ARHGEF10: variants seen among roughly 807,000 people sequenced by gnomAD.
The protein encoded by ARHGEF10 is Rho guanine nucleotide exchange factor 10, also known as Rho guanine nucleotide exchange factor (GEF) 10.
Under a neutral mutation model 147.4 loss-of-function variants are expected in ARHGEF10, and 140 were observed. The observed-to-expected ratio is 0.95, with a 90% CI of 0.83 to 1.09. The LOEUF (loss-of-function observed/expected upper bound fraction) is 1.09, where lower values mean the gene tolerates loss of function less well. Ranked by LOEUF, ARHGEF10 falls within the 50% of genes least tolerant of loss-of-function variation. The pLI is 0.00. For missense variants in ARHGEF10, 2,222 were observed against 1,752.7 expected (o/e 1.27, Z -4.78); for synonymous variants, 902 against 695.8 (o/e 1.30, Z -4.67).
chr8:1,922,016 A>G (rs1234102390), intron 18 of ARHGEF10, among the ~76,000 whole-genome samples: 9 of 152,166 alleles, frequency 5.9e-5, no homozygotes, highest in Non-Finnish European at 1.3e-4. Context: ...CTTAAAGTAC[A>G]GACACTCAGG....
At chr8:1,915,710 C>T (rs970201874) in intron 18 of ARHGEF10, among the ~76,000 whole-genome samples, 13 of 152,238 alleles carry the variant, frequency 8.5e-5, no homozygotes, top group African/African-American at 3.1e-4. Flanking sequence ...TCTGGGTATT[C>T]AGTAACACAC....
chr8:1,892,608 T>A (rs1346680625), intron 11 of ARHGEF10, among the ~76,000 whole-genome samples: 1 of 151,854 alleles, frequency 6.6e-6, no homozygotes, highest in African/African-American at 2.4e-5. Flanking sequence ...GCAGGTAGCC[T>A]GATGCTACAC....
In ARHGEF10 at chr8:1,876,864, A is replaced by G. The variant is rs1337656122; in HGVS notation, c.843+130A>G. On this transcript the variant is annotated intron_variant, in intron 8 of 28. Transcript: ENST00000349830. The stretch of plus-strand genomic sequence containing the variant: ...AGATGCTGATAAGTAGTTTGGGGAA[A>G]GCATAAGATATTGGCAAAGGAGAAG... 6.8e-6 allele frequency: 7 copies of G among 1,036,386 alleles called. No homozygotes were observed. The East Asian group carries it at 1.5e-4, about 22-fold the overall frequency. 64.2% of individuals were successfully genotyped at this position (1,036,386 alleles called of 1,614,324 possible). A position where few individuals can be genotyped will look rare whatever the true frequency, so the allele number is the denominator to read the frequency against.
rs777279264 is a variant in ARHGEF10, at chr8:1,880,119, G to A, written c.915G>A (p.Val305=). The change falls in exon 9 of 29, where the codon GTG becomes GTA. Residue 305 remains valine (V), a synonymous_variant. Coordinates refer to ENST00000349830, the MANE Select transcript of ARHGEF10 (RefSeq NM_014629.4). The stretch of plus-strand genomic sequence containing the variant: ...TGAGAGATTTGATGGCAAGCACGGT[G>A]GGCGTGGTGGAGATTCAGCAGCTCA... ...KKMRDLMAST[V]GVVEIQQLRQ... 1.1e-5 allele frequency: 17 copies of A among 1,614,028 alleles called. No homozygotes were observed. Among genetic ancestry groups the A allele is most frequent in the Non-Finnish European group, 1.2e-5 (14 of 1,180,004 alleles).
intron 23 of ARHGEF10, 25 bp from the exon 24 acceptor site, chr8:1,928,402 C>T (rs1563298319): frequency 6.8e-7 from 1 of 1,477,072 alleles, no homozygotes; most frequent in East Asian, 2.5e-5. Context: ...TCGTTTTCTT[C>T]TTTCCTCCTA....
Position 1,858,103 on chromosome 8 carries a change from C to T in ARHGEF10, c.181C>T (p.Pro61Ser). 6.4e-7 allele frequency: 1 copy of T among 1,554,124 alleles called. No individual in the cohort carries two copies. Among genetic ancestry groups the T allele is most frequent in the Non-Finnish European group, 8.7e-7 (1 of 1,150,252 alleles). Reference protein sequence around the residue: ...ETGGAGASEAPAPTGGEDGAG... With the variant: ...ETGGAGASEASAPTGGEDGAG... ...AGGAGGTGCTGGAGCCAGTGAAGCC[C>T]CTGCACCCACAGGTGAGTTTCCAGG... Residue 61 changes from proline (P) to serine (S), a missense_variant, in exon 3 of 29, where the codon CCT becomes TCT. By Grantham distance (74) the Pro-to-Ser change is moderately conservative. Transcript: ENST00000349830.
intron 2 of ARHGEF10, among the ~76,000 whole-genome samples, chr8:1,850,749 G>C (rs1019153459): frequency 4.6e-5 from 7 of 152,220 alleles, no homozygotes; most frequent in African/African-American, 1.2e-4. Flanking sequence ...TGCCCATATA[G>C]GTGTTGATAG....
chr8:1,931,685 T>C (rs1338521544), intron 25 of ARHGEF10, among the ~76,000 whole-genome samples: 5 of 152,382 alleles, frequency 3.3e-5, no homozygotes, highest in African/African-American at 1.2e-4. Flanking sequence ...CCCCTCACTG[T>C]TGCCAGAGCT....
At chr8:1,945,718 G>T (rs1266758539) in intron 27 of ARHGEF10, 63 bp downstream of exon 27, 50 of 1,603,804 alleles carry the variant, frequency 3.1e-5, no homozygotes, top group Non-Finnish European at 3.0e-5. Flanking sequence ...GGGGGGTGCG[G>T]AGCGCTGTCA....
intron 1 of ARHGEF10, among the ~76,000 whole-genome samples, chr8:1,837,917 T>G (rs1179406437): frequency 1.3e-5 from 2 of 152,156 alleles, no homozygotes; most frequent in East Asian, 1.9e-4. Context: ...GTGGGGACAC[T>G]GCTCCTCACT....
At chr8:1,925,201 C>T (rs541939460) in intron 21 of ARHGEF10, 82 bp from the exon 22 acceptor site, 2 of 1,578,870 alleles carry the variant, frequency 1.3e-6, no homozygotes, top group Admixed American at 1.7e-5. Context: ...AGAAACTTCC[C>T]CTGCTATGAC....
chr8:1,831,022 A>G lies in ARHGEF10; in HGVS notation c.-48+6909A>G, dbSNP rs143650828. ...GGCCAGGGCTGGAGGGCCGAAGGCA[A>G]GAGGGGACTGGTGAATGCCAGGGCA... is the stretch of plus-strand genomic sequence containing the variant. On this transcript the variant is annotated intron_variant, in intron 1 of 28. Coordinates refer to ENST00000349830, the MANE Select transcript of ARHGEF10 (RefSeq NM_014629.4). Among the ~76,000 whole-genome samples the G allele has an allele frequency of 8.5e-3, 1,293 of 152,372 alleles. 5 individuals are homozygous for G. Among genetic ancestry groups the G allele is most frequent in the Non-Finnish European group, 0.012 (804 of 68,026 alleles).
At chr8:1,857,712 C>T (rs1470060845) in intron 2 of ARHGEF10, among the ~76,000 whole-genome samples, 1 of 77,940 alleles carries the variant, frequency 1.3e-5, no homozygotes, top group Non-Finnish European at 2.4e-5. Context: ...GCTACCACCC[C>T]CAGCCTCTTG....
At chr8:1,891,219 T>C (rs1809497714) in intron 11 of ARHGEF10, among the ~76,000 whole-genome samples, 1 of 152,154 alleles carries the variant, frequency 6.6e-6, no homozygotes, top group Non-Finnish European at 1.5e-5. Flanking sequence ...GCAGCTTTCT[T>C]TATTGTAGTC....
At chr8:1,924,474 T>A (rs551658206) in intron 21 of ARHGEF10, among the ~76,000 whole-genome samples, 1 of 152,198 alleles carries the variant, frequency 6.6e-6, no homozygotes, top group African/African-American at 2.4e-5. Flanking sequence ...TGGGATGTCA[T>A]GTGTGTGTAA....
intron 28 of ARHGEF10, among the ~76,000 whole-genome samples, chr8:1,955,866 G>A (rs1319549721): frequency 3.3e-5 from 5 of 152,246 alleles, no homozygotes; most frequent in Non-Finnish European, 5.9e-5. Context: ...TGTGTGCTTC[G>A]CCAGGTGATG....
intron 1 of ARHGEF10, among the ~76,000 whole-genome samples, chr8:1,838,270 A>G (rs1349719026): frequency 6.6e-6 from 1 of 152,174 alleles, no homozygotes; most frequent in African/African-American, 2.4e-5. Context: ...GATGACATCA[A>G]CCTAAACTCT....
At chr8:1,956,655 G>A (rs1815590011) in intron 28 of ARHGEF10, 94 bp from the exon 29 acceptor site, 2 of 1,337,254 alleles carry the variant, frequency 1.5e-6, no homozygotes, top group Non-Finnish European at 1.1e-6. Flanking sequence ...TGGGCAGGGA[G>A]GAATGCGTTG....
rs1009194445 is a variant in ARHGEF10 at position 1,894,678 on chromosome 8, G to T, written c.1440+106G>T. ...CCCCTGATCTCCTGCAAGCTGACAA[G>T]TGTGCAGTTCTCTCTAAAGGCCAGG... On this transcript the variant is annotated intron_variant, in intron 13 of 28. Transcript: ENST00000349830. 9.1e-6 allele frequency: 12 copies of T among 1,311,886 alleles called. No homozygotes were observed. The South Asian group carries it at 1.5e-4, about 16-fold the overall frequency. 81.3% of individuals were successfully genotyped at this position (1,311,886 alleles called of 1,614,324 possible).
Sources: allele counts gnomAD v4.1 joint callset (sites outside exome capture counted in the v4.1 genomes callset), GRCh38; gene constraint gnomAD v4.1.1; transcripts MANE v1.5; gene names NCBI Gene and HGNC (gene_info 2026-07-23, HGNC 2026-07-21).